The following LRRC1 variants were observed in gnomAD, a reference collection of about 807,000 sequenced individuals.
LRRC1 encodes leucine-rich repeat-containing protein 1.
A neutral mutation model predicts 69.9 loss-of-function variants in LRRC1; 28 were observed. That is an observed-to-expected ratio of 0.40 (90% confidence interval 0.30 to 0.55). LRRC1 has a LOEUF of 0.55. Ranked by LOEUF, LRRC1 falls within the 20% of genes least tolerant of loss-of-function variation. The probability of loss-of-function intolerance (pLI) is 0.47; values close to 1 mark genes in which losing one functional copy is unlikely to be tolerated. For missense variants in LRRC1, 498 were observed against 609.0 expected (o/e 0.82, Z 1.92); for synonymous variants, 236 against 240.2 (o/e 0.98, Z 0.16).
At chr6:53,835,301 G>A (rs1765582368) in intron 1 of LRRC1, among the ~76,000 whole-genome samples, 1 of 152,184 alleles carries the variant, frequency 6.6e-6, no homozygotes, top group African/African-American at 2.4e-5. Flanking sequence ...CATGCTTAAT[G>A]TTATATTGTG....
chr6:53,899,987 G>C (rs981976048), intron 8 of LRRC1, 96 bp downstream of exon 8: 1 of 912,512 alleles, frequency 1.1e-6, no homozygotes, highest in African/African-American at 1.8e-5. Flanking sequence ...ACTTTCAGAT[G>C]CTGAGGATGT....
intron 1 of LRRC1, among the ~76,000 whole-genome samples, chr6:53,798,151 C>T (rs1240530072): frequency 1.3e-5 from 2 of 151,682 alleles, no homozygotes; most frequent in Non-Finnish European, 2.9e-5. Context: ...TAAACTACTC[C>T]TAAGCTATGG....
intron 2 of LRRC1, among the ~76,000 whole-genome samples, chr6:53,846,848 C>T (rs1421481654): frequency 1.3e-5 from 2 of 152,138 alleles, no homozygotes; most frequent in African/African-American, 4.8e-5. Context: ...AGGAAAATGA[C>T]CTCTGATTAT....
intron 10 of LRRC1, among the ~76,000 whole-genome samples, chr6:53,906,274 A>G (rs1250774575): frequency 1.3e-5 from 2 of 152,190 alleles, no homozygotes; most frequent in African/African-American, 4.8e-5. Flanking sequence ...ACACGTGACC[A>G]CTTATGTAAT....
intron 4 of LRRC1, among the ~76,000 whole-genome samples, chr6:53,895,079 G>A (rs868024017): frequency 7.2e-5 from 11 of 151,894 alleles, no homozygotes; most frequent in African/African-American, 2.4e-4. Flanking sequence ...CACCACGCCC[G>A]GCTAATTTTT....
intron 1 of LRRC1, among the ~76,000 whole-genome samples, chr6:53,813,944 T>C (rs1764875421): frequency 6.6e-6 from 1 of 152,202 alleles, no homozygotes; most frequent in Admixed American, 6.5e-5. Flanking sequence ...CTGCAGATTG[T>C]GTTGGAAATT....
intron 2 of LRRC1, among the ~76,000 whole-genome samples, chr6:53,860,219 A>G (rs1766450418): frequency 6.6e-6 from 1 of 152,230 alleles, no homozygotes; most frequent in African/African-American, 2.4e-5. Flanking sequence ...TCATAACAGT[A>G]CGTCATAAGC....
intron 1 of LRRC1, among the ~76,000 whole-genome samples, chr6:53,837,258 G>T (rs1442684001): frequency 6.6e-6 from 1 of 151,768 alleles, no homozygotes; most frequent in Non-Finnish European, 1.5e-5. Flanking sequence ...TAACTTCTGG[G>T]TAACAAAGTC....
intron 1 of LRRC1, among the ~76,000 whole-genome samples, chr6:53,824,319 G>T (rs767150567): frequency 1.3e-5 from 2 of 151,494 alleles, no homozygotes; most frequent in African/African-American, 2.4e-5. Flanking sequence ...GTTGCCCTTT[G>T]CCCACTTTTT....
intron 1 of LRRC1, among the ~76,000 whole-genome samples, chr6:53,836,035 C>G (rs1029658541): frequency 6.6e-6 from 1 of 152,210 alleles, no homozygotes; most frequent in Non-Finnish European, 1.5e-5. Flanking sequence ...GTCCTTGCAG[C>G]TTTTGCCGTT....
At chr6:53,890,712 AC>A (rs1398347898) in intron 4 of LRRC1, among the ~76,000 whole-genome samples, 2 of 152,224 alleles carry the variant, frequency 1.3e-5, no homozygotes, top group African/African-American at 4.8e-5. Context: ...AAAGTTTGTA[AC>A]CAGAGGTTTT....
At chr6:53,862,953 C>T (rs1253822290) in intron 2 of LRRC1, among the ~76,000 whole-genome samples, 1 of 152,158 alleles carries the variant, frequency 6.6e-6, no homozygotes, top group Non-Finnish European at 1.5e-5. Flanking sequence ...TCAGGCAGCC[C>T]ACAGCACGGC....
intron 1 of LRRC1, among the ~76,000 whole-genome samples, chr6:53,826,585 T>C (rs1056095710): frequency 1.3e-5 from 2 of 152,216 alleles, no homozygotes; most frequent in African/African-American, 4.8e-5. Context: ...AGAGCAACTG[T>C]AGGACAAGTA....
intron 1 of LRRC1, among the ~76,000 whole-genome samples, chr6:53,824,630 A>G (rs1765206536): frequency 6.6e-6 from 1 of 152,154 alleles, no homozygotes; most frequent in Non-Finnish European, 1.5e-5. Flanking sequence ...ATGCTGTTTT[A>G]TGACCCCAGA....
chr6:53,905,629 A>G (rs1768209573), intron 10 of LRRC1, among the ~76,000 whole-genome samples: 1 of 152,182 alleles, frequency 6.6e-6, no homozygotes, highest in Non-Finnish European at 1.5e-5. Flanking sequence ...CCAGCCAGTC[A>G]GAACATGTGG....
At chr6:53,839,087 A>G (rs1219262226) in intron 1 of LRRC1, among the ~76,000 whole-genome samples, 2 of 151,992 alleles carry the variant, frequency 1.3e-5, no homozygotes, top group East Asian at 3.8e-4. Context: ...TTATTGTTGC[A>G]TAATATTGAA....
intron 7 of LRRC1, among the ~76,000 whole-genome samples, chr6:53,898,368 C>A (rs1767939935): frequency 6.6e-6 from 1 of 152,086 alleles, no homozygotes; most frequent in African/African-American, 2.4e-5. Flanking sequence ...ATGCTAGTTA[C>A]TTTAGAAGTC....
At chr6:53,873,844 A>G (rs775859143) in intron 2 of LRRC1, among the ~76,000 whole-genome samples, 4 of 152,144 alleles carry the variant, frequency 2.6e-5, no homozygotes, top group Non-Finnish European at 5.9e-5. Context: ...AAAGCTTTCA[A>G]CTTTTCTTCA....
chr6:53,890,042 A>G (rs1217912809), intron 4 of LRRC1, among the ~76,000 whole-genome samples: 2 of 152,310 alleles, frequency 1.3e-5, no homozygotes, highest in Admixed American at 6.5e-5. Context: ...AGAGCACACA[A>G]AAACTCCAGC....
Sources: allele counts gnomAD v4.1 joint callset (sites outside exome capture counted in the v4.1 genomes callset), GRCh38; gene constraint gnomAD v4.1.1; transcripts MANE v1.5; gene names NCBI Gene and HGNC (gene_info 2026-07-23, HGNC 2026-07-21).